The following ARHGAP26 variants were observed in gnomAD, a reference collection of about 807,000 sequenced individuals.
ARHGAP26 encodes Rho GTPase activating protein 26.
ARHGAP26 carries 38 observed loss-of-function variants against 104.8 expected under a neutral mutation model. That is an observed-to-expected ratio of 0.36 (90% CI 0.28 to 0.48). The LOEUF is 0.48. Ranked by LOEUF, ARHGAP26 falls within the 20% of genes least tolerant of loss-of-function variation. The pLI is 0.99. For missense variants in ARHGAP26, 704 were observed against 947.9 expected (o/e 0.74, Z 3.38); for synonymous variants, 341 against 340.0 (o/e 1.00, Z -0.03).
intron 5 of ARHGAP26, among the ~76,000 whole-genome samples, chr5:142,887,267 G>A (rs1757847264): frequency 6.6e-6 from 1 of 152,156 alleles, no homozygotes; most frequent in Non-Finnish European, 1.5e-5. Context: ...CGCTGGGCTG[G>A]CAAAGAGGAT....
At chr5:142,916,501 G>T (rs1427971278) in intron 10 of ARHGAP26, among the ~76,000 whole-genome samples, 2 of 152,162 alleles carry the variant, frequency 1.3e-5, no homozygotes, top group Non-Finnish European at 2.9e-5. Flanking sequence ...CTTTTTAGTT[G>T]TCCTTTATTC....
At chr5:142,839,956 A>G (rs1770432162) in intron 1 of ARHGAP26, among the ~76,000 whole-genome samples, 1 of 151,730 alleles carries the variant, frequency 6.6e-6, no homozygotes, top group Non-Finnish European at 1.5e-5. Flanking sequence ...AGTTATGCGT[A>G]TTATTTTCCC....
chr5:142,863,318 A>C (rs755241709), intron 1 of ARHGAP26, among the ~76,000 whole-genome samples: 5 of 152,126 alleles, frequency 3.3e-5, no homozygotes, highest in Non-Finnish European at 7.4e-5. Context: ...TGTGTTGGCC[A>C]GGCTGGTCTT....
intron 6 of ARHGAP26, among the ~76,000 whole-genome samples, chr5:142,900,299 T>C (rs975085455): frequency 6.6e-6 from 1 of 152,104 alleles, no homozygotes; most frequent in African/African-American, 2.4e-5. Context: ...CAGTCTCTAG[T>C]GACTCCATGG....
chr5:142,771,063 A>G (rs1755088513), intron 1 of ARHGAP26, 148 bp downstream of exon 1: 7 of 1,377,258 alleles, frequency 5.1e-6, no homozygotes, highest in Non-Finnish European at 6.6e-6. Context: ...CAGGAAGGAT[A>G]CGTAAAGCGG....
intron 19 of ARHGAP26, among the ~76,000 whole-genome samples, chr5:143,142,000 C>T (rs1798593791): frequency 6.6e-6 from 1 of 152,160 alleles, no homozygotes; most frequent in Admixed American, 6.5e-5. Flanking sequence ...AGGGTTATTA[C>T]AGGTGCTGCA....
chr5:143,213,373 C>T (rs1042986238), intron 21 of ARHGAP26, among the ~76,000 whole-genome samples: 3 of 152,176 alleles, frequency 2.0e-5, no homozygotes, highest in South Asian at 4.1e-4. Context: ...CGTGTGTGCT[C>T]ATGCACACAC....
chr5:143,027,881 C>G (rs1781291525), intron 12 of ARHGAP26, among the ~76,000 whole-genome samples: 1 of 152,134 alleles, frequency 6.6e-6, no homozygotes, highest in South Asian at 2.1e-4. Flanking sequence ...TGTACTGATG[C>G]ATAATTGCCG....
chr5:143,221,424 CAAAA>C (rs56114785), intron 22 of ARHGAP26, among the ~76,000 whole-genome samples: 8 of 83,622 alleles, frequency 9.6e-5, no homozygotes, highest in African/African-American at 1.7e-4. Context: ...TGACAGCAAC[CAAAA>C]AAAAAAAAAA....
At chr5:143,110,562 G>T (rs1366641344) in intron 17 of ARHGAP26, among the ~76,000 whole-genome samples, 1 of 152,082 alleles carries the variant, frequency 6.6e-6, no homozygotes, top group Non-Finnish European at 1.5e-5. Context: ...ACACCAGACT[G>T]GCATACACAT....
chr5:143,227,413 C>T lies in ARHGAP26; in HGVS notation c.*4967C>T, dbSNP rs997471924. 1 of 231,212 alleles carries T rather than the reference C, an allele frequency of 4.3e-6. No individual in the cohort carries two copies. The highest frequency in any genetic ancestry group is 2.2e-5 in the African/African-American group (1 of 45,304). The allele number at this position is 231,212 out of a possible 1,614,324, so 14.3% of individuals were successfully genotyped here. A position where few individuals can be genotyped will look rare whatever the true frequency, so the allele number is the denominator to read the frequency against. ...TAAAGTCAGCAGGATGTCTTCTCAC[C>T]CACCCTGTGCTGGTGTCTAACAAAT... is the stretch of plus-strand genomic sequence containing the variant. On this transcript the variant is annotated 3_prime_UTR_variant, in exon 23 of 23. Transcript: ENST00000645722.
At chr5:143,049,454 G>T (rs1468202756) in intron 14 of ARHGAP26, among the ~76,000 whole-genome samples, 1 of 151,732 alleles carries the variant, frequency 6.6e-6, no homozygotes, top group Non-Finnish European at 1.5e-5. Flanking sequence ...TATTATTTCA[G>T]TCTGCTACTT....
intron 2 of ARHGAP26, among the ~76,000 whole-genome samples, chr5:142,874,276 T>A (rs1755757358): frequency 6.6e-6 from 1 of 152,198 alleles, no homozygotes; most frequent in East Asian, 1.9e-4. Context: ...CAGGGCCTTG[T>A]CATTGCACAC....
intron 1 of ARHGAP26, among the ~76,000 whole-genome samples, chr5:142,850,123 A>AGCTCTGCCTACCTCTCCT (rs1452071907): frequency 6.6e-6 from 1 of 151,930 alleles, no homozygotes; most frequent in African/African-American, 2.4e-5. Context: ...GCCTCTTCAG[A>AGCTCTGCCTACCTCTCCT]GCTCTGCCTA....
intron 11 of ARHGAP26, among the ~76,000 whole-genome samples, chr5:142,936,932 T>C (rs188666080): frequency 1.1e-4 from 16 of 152,126 alleles, no homozygotes. Flanking sequence ...TTTAGAAGAA[T>C]GTGTGGAATC....
intron 20 of ARHGAP26, among the ~76,000 whole-genome samples, chr5:143,184,393 T>C (rs1326991311): frequency 6.6e-6 from 1 of 152,182 alleles, no homozygotes; most frequent in Non-Finnish European, 1.5e-5. Flanking sequence ...CCCTGAGGGT[T>C]ATGGAGGGAC....
At chr5:143,024,693 G>T (rs1780789522) in intron 12 of ARHGAP26, among the ~76,000 whole-genome samples, 1 of 152,136 alleles carries the variant, frequency 6.6e-6, no homozygotes, top group Admixed American at 6.6e-5. Flanking sequence ...AGAACCCTAT[G>T]AGCTAGATAC....
intron 20 of ARHGAP26, among the ~76,000 whole-genome samples, chr5:143,158,106 TTATTTGCTC>T (rs1394016091): frequency 6.6e-6 from 1 of 152,232 alleles, no homozygotes; most frequent in Non-Finnish European, 1.5e-5. Context: ...TTCCTTCTTC[TTATTTGCTC>T]TCAGACTGCT....
At chr5:142,866,199 C>T (rs1297881784) in intron 1 of ARHGAP26, among the ~76,000 whole-genome samples, 1 of 152,136 alleles carries the variant, frequency 6.6e-6, no homozygotes, top group Non-Finnish European at 1.5e-5. Context: ...TTGTATTCCC[C>T]TTAAGGCACG....
Sources: gnomAD v4.1 joint callset for allele counts (sites outside exome capture counted in the v4.1 genomes callset) on GRCh38, gnomAD v4.1.1 for gene constraint, MANE v1.5 for transcripts, NCBI Gene and HGNC (gene_info 2026-07-23, HGNC 2026-07-21) for gene names.